The following DDX10 variants were observed in gnomAD, a reference collection of about 807,000 sequenced individuals.
The protein encoded by DDX10 is DEAD-box helicase 10.
In DDX10, 74 loss-of-function variants were observed where a neutral mutation model predicts 104.3. The observed-to-expected ratio is 0.71, with a 90% CI of 0.59 to 0.86. The LOEUF (loss-of-function observed/expected upper bound fraction) is 0.86. Among genes scored for constraint, DDX10 ranks in the 40% least tolerant of loss-of-function variants. DDX10 has a pLI of 0.00. For synonymous variants in DDX10, 351 were observed against 353.4 expected (o/e 0.99, Z 0.08); for missense variants, 952 against 1,040.0 (o/e 0.92, Z 1.16).
At chr11:108,670,783 C>A (rs1336467691) in intron 1 of DDX10, among the ~76,000 whole-genome samples, 1 of 151,654 alleles carries the variant, frequency 6.6e-6, no homozygotes, top group African/African-American at 2.4e-5. Flanking sequence ...TGCATAGAAA[C>A]TGCATTCAAA....
intron 9 of DDX10, among the ~76,000 whole-genome samples, chr11:108,699,809 G>C (rs543776905): frequency 2.0e-5 from 3 of 152,288 alleles, no homozygotes; most frequent in South Asian, 2.1e-4. Context: ...ACAATCCTGA[G>C]GTAGAAGTGA....
chr11:108,674,299 C>CA (rs1203675024), intron 2 of DDX10, among the ~76,000 whole-genome samples: 2,575 of 142,958 alleles, frequency 0.018, 69 homozygotes, highest in African/African-American at 0.061. Context: ...GACACCGTCT[C>CA]AAAAAAAAAA....
At chr11:108,859,901 T>G (rs766929645) in intron 16 of DDX10, among the ~76,000 whole-genome samples, 4 of 152,242 alleles carry the variant, frequency 2.6e-5, no homozygotes, top group Non-Finnish European at 4.4e-5. Context: ...GTCTAAATGA[T>G]GGTTATTCTT....
At chr11:108,922,663 C>T (rs1378429284) in intron 17 of DDX10, among the ~76,000 whole-genome samples, 1 of 152,240 alleles carries the variant, frequency 6.6e-6, no homozygotes, top group South Asian at 2.1e-4. Flanking sequence ...CTTCGACCCT[C>T]TAAAATTATC....
intron 13 of DDX10, among the ~76,000 whole-genome samples, chr11:108,735,948 G>A (rs547840788): frequency 6.6e-6 from 1 of 152,212 alleles, no homozygotes; most frequent in East Asian, 1.9e-4. Context: ...TGAAGTATAA[G>A]TATAAACTTA....
chr11:108,840,019 G>GA (rs891226521), intron 14 of DDX10, among the ~76,000 whole-genome samples: 13 of 152,206 alleles, frequency 8.5e-5, no homozygotes, highest in African/African-American at 3.1e-4. Context: ...GAGCCATCCT[G>GA]AAACTTCTGA....
chr11:108,916,554 C>T (rs1004097302), intron 16 of DDX10, among the ~76,000 whole-genome samples: 1 of 152,124 alleles, frequency 6.6e-6, no homozygotes, highest in African/African-American at 2.4e-5. Flanking sequence ...CTATGCTATT[C>T]TGAACTGTTA....
At chr11:108,742,176 C>T (rs2726892) in intron 13 of DDX10, among the ~76,000 whole-genome samples, 18,612 of 151,748 alleles carry the variant, frequency 0.12, 1,529 homozygotes, top group East Asian at 0.27. Context: ...AGGAGAATTG[C>T]TTGAATCTGG....
chr11:108,933,686 A>G (rs998586581), intron 17 of DDX10, among the ~76,000 whole-genome samples: 15 of 152,182 alleles, frequency 9.9e-5, no homozygotes, highest in Non-Finnish European at 1.8e-4. Flanking sequence ...GATCTCTTCA[A>G]TTTCTTTGGA....
At chr11:108,755,191 C>G (rs770066969) in intron 13 of DDX10, among the ~76,000 whole-genome samples, 1 of 152,004 alleles carries the variant, frequency 6.6e-6, no homozygotes, top group South Asian at 2.1e-4. Flanking sequence ...AAAGAGAGAA[C>G]GTGCTCTTAA....
intron 16 of DDX10, among the ~76,000 whole-genome samples, chr11:108,870,303 TC>T (rs1449568985): frequency 6.6e-6 from 1 of 152,266 alleles, no homozygotes; most frequent in Middle Eastern, 3.4e-3. Context: ...CACTCTTCTA[TC>T]CCCAGTTTAT....
At chr11:108,750,224 C>T (rs1229220065) in intron 13 of DDX10, among the ~76,000 whole-genome samples, 3 of 152,128 alleles carry the variant, frequency 2.0e-5, no homozygotes, top group African/African-American at 7.2e-5. Context: ...GGAAAGCTAA[C>T]CTCAAAGGTT....
At chr11:108,687,720 C>A (rs1457114420) in intron 6 of DDX10, among the ~76,000 whole-genome samples, 3 of 152,096 alleles carry the variant, frequency 2.0e-5, no homozygotes, top group Non-Finnish European at 4.4e-5. Flanking sequence ...TTTCTCCATT[C>A]CGTGGCTTAT....
chr11:108,898,759 T>C (rs989953583), intron 16 of DDX10, among the ~76,000 whole-genome samples: 20 of 152,120 alleles, frequency 1.3e-4, no homozygotes, highest in African/African-American at 4.8e-4. Flanking sequence ...CTTACACTCT[T>C]GCTAGCTTGT....
intron 11 of DDX10, among the ~76,000 whole-genome samples, chr11:108,717,453 G>A (rs1434693713): frequency 2.6e-5 from 4 of 152,236 alleles, no homozygotes; most frequent in Admixed American, 2.6e-4. Flanking sequence ...GGGATTACAG[G>A]CATGCGCCAC....
At chr11:108,892,764 G>A (rs1396350774) in intron 16 of DDX10, among the ~76,000 whole-genome samples, 2 of 152,118 alleles carry the variant, frequency 1.3e-5, no homozygotes, top group Admixed American at 6.6e-5. Flanking sequence ...GGGGATTGAC[G>A]AATCTATACC....
intron 13 of DDX10, among the ~76,000 whole-genome samples, chr11:108,742,919 C>T (rs1430936377): frequency 6.6e-6 from 1 of 152,070 alleles, no homozygotes; most frequent in African/African-American, 2.4e-5. Context: ...CCAGAAAAAG[C>T]CCAGTACCAG....
At chr11:108,800,296 T>A (rs1862001666) in intron 13 of DDX10, among the ~76,000 whole-genome samples, 1 of 141,412 alleles carries the variant, frequency 7.1e-6, no homozygotes, top group African/African-American at 2.7e-5. Context: ...AAAAAAAAAA[T>A]TAGCCAGGCA....
At chr11:108,820,976 A>T (rs1862319106) in intron 13 of DDX10, among the ~76,000 whole-genome samples, 1 of 152,226 alleles carries the variant, frequency 6.6e-6, no homozygotes, top group Non-Finnish European at 1.5e-5. Flanking sequence ...AAGAAAATTG[A>T]TCTTGATTAG....
Sources: gnomAD v4.1 joint callset for allele counts (sites outside exome capture counted in the v4.1 genomes callset) on GRCh38, gnomAD v4.1.1 for gene constraint, MANE v1.5 for transcripts, NCBI Gene and HGNC (gene_info 2026-07-23, HGNC 2026-07-21) for gene names.